The following KMT2C variants were observed in gnomAD, a reference collection of about 807,000 sequenced individuals.
KMT2C encodes lysine methyltransferase 2C.
Under a neutral mutation model 507.9 loss-of-function variants are expected in KMT2C, and 88 were observed. The ratio of observed to expected loss-of-function variants is 0.17; its 90% CI spans 0.15 to 0.21. The LOEUF (loss-of-function observed/expected upper bound fraction) is 0.21, where lower values mean the gene tolerates loss of function less well. Among genes scored for constraint, KMT2C ranks in the 10% least tolerant of loss-of-function variants. The pLI is 1.00. For synonymous variants in KMT2C, 2,049 were observed against 2,080.8 expected (o/e 0.98, Z 0.42); for missense variants, 4,954 against 5,957.8 (o/e 0.83, Z 5.55).
intron 1 of KMT2C, among the ~76,000 whole-genome samples, chr7:152,429,401 T>A (rs1481035692): frequency 1.3e-5 from 2 of 152,176 alleles, no homozygotes; most frequent in Admixed American, 6.5e-5. Flanking sequence ...TTCTAGAATA[T>A]TACAAAGTGC....
chr7:152,216,445 G>C (rs1263235225), intron 23 of KMT2C, among the ~76,000 whole-genome samples: 1 of 152,162 alleles, frequency 6.6e-6, no homozygotes, highest in Non-Finnish European at 1.5e-5. Context: ...CTGTAGATGT[G>C]TGTAATATAA....
rs905095777 is a variant in KMT2C at position 152,435,466 on chromosome 7, G to GCGGGGC, written c.161+154_161+159dup. On this transcript the variant is annotated intron_variant, in intron 1 of 58. Coordinates refer to ENST00000262189, the MANE Select transcript of KMT2C (RefSeq NM_170606.3). ...CGGGCGCGGGCGGCTACCGAGGGGC[G>GCGGGGC]CGGGGCCGGGGCCGGGAGCCGCCAC... Among the ~76,000 whole-genome samples the GCGGGGC allele has an allele frequency of 1.7e-3, 247 of 145,854 alleles. 3 individuals are homozygous for GCGGGGC. In the South Asian group the frequency reaches 0.023, roughly 14 times the overall value.
At chr7:152,361,885 GTC>G (rs2097200616) in intron 1 of KMT2C, among the ~76,000 whole-genome samples, 1 of 152,156 alleles carries the variant, frequency 6.6e-6, no homozygotes, top group African/African-American at 2.4e-5. Flanking sequence ...ACATCCCACT[GTC>G]GGAAACTGAT....
rs369965395 is a variant in KMT2C, at chr7:152,139,793, T to TA, written c.14344-3dup. 5.1e-5 allele frequency: 81 copies of TA among 1,599,052 alleles called. No individual in the cohort carries two copies. Among genetic ancestry groups the TA allele is most frequent in the South Asian group, 6.7e-5 (6 of 89,830 alleles). On this transcript the variant is annotated splice_polypyrimidine_tract_variant and splice_region_variant and intron_variant, in intron 55 of 58. Coordinates refer to ENST00000262189, the MANE Select transcript of KMT2C (RefSeq NM_170606.3). ...TCGAGCAGCATACAGGCCCAGCCCC[T>TA]AAAAAAAAGTGTGTACATACTTCCA...
intron 1 of KMT2C, among the ~76,000 whole-genome samples, chr7:152,414,842 C>T (rs1473219817): frequency 6.6e-6 from 1 of 151,558 alleles, no homozygotes; most frequent in South Asian, 2.1e-4. Context: ...CTTCTCAATA[C>T]TTTCTTTCTT....
chr7:152,251,241 G>A (rs923943408), intron 11 of KMT2C, among the ~76,000 whole-genome samples: 1 of 152,172 alleles, frequency 6.6e-6, no homozygotes, highest in Non-Finnish European at 1.5e-5. Context: ...GAAGCCAGGA[G>A]TTCAAGACCA....
Position 152,270,341 on chromosome 7 carries a change from G to C in KMT2C, c.1012+3364C>G, listed in dbSNP as rs537167971. Among the ~76,000 whole-genome samples, 4 of 152,346 alleles carry C rather than the reference G, an allele frequency of 2.6e-5. No individual in the cohort carries two copies. In the South Asian group the frequency reaches 8.3e-4, roughly 32 times the overall value. ...AAGAGGCTGGAGTTAAAGCTTAAGT[G>C]AAGTAAAAGGAATTAAAGCTAAATG... On this transcript the variant is annotated intron_variant, in intron 7 of 58. Coordinates refer to ENST00000262189, the MANE Select transcript of KMT2C (RefSeq NM_170606.3).
intron 41 of KMT2C, 45 bp from the exon 42 acceptor site, chr7:152,167,423 CCAA>C: frequency 1.5e-6 from 2 of 1,293,006 alleles, no homozygotes. Flanking sequence ...TCTAAAGAGT[CCAA>C]CATTATAAGT....
chr7:152,202,558 T>G (rs765390983), intron 26 of KMT2C, among the ~76,000 whole-genome samples: 1 of 152,210 alleles, frequency 6.6e-6, no homozygotes, highest in Non-Finnish European at 1.5e-5. Flanking sequence ...CTATCTTTAA[T>G]CAATGAATAT....
intron 41 of KMT2C, among the ~76,000 whole-genome samples, chr7:152,168,865 C>G (rs1008731728): frequency 1.1e-4 from 17 of 152,080 alleles, no homozygotes; most frequent in African/African-American, 4.1e-4. Flanking sequence ...GTTCTTAGAG[C>G]AAAACGTGGT....
intron 24 of KMT2C, among the ~76,000 whole-genome samples, chr7:152,206,243 T>C (rs1272005289): frequency 2.0e-5 from 3 of 151,744 alleles, no homozygotes; most frequent in African/African-American, 4.8e-5. Context: ...CGTGACCTAA[T>C]GGGTCCCTCA....
intron 22 of KMT2C, among the ~76,000 whole-genome samples, chr7:152,221,244 G>A (rs1399648878): frequency 1.6e-4 from 24 of 152,156 alleles, no homozygotes; most frequent in African/African-American, 3.6e-4. Context: ...GCGACAGGGC[G>A]AGACTCTGTC....
intron 18 of KMT2C, among the ~76,000 whole-genome samples, chr7:152,227,806 C>A (rs1278062424): frequency 2.2e-4 from 33 of 152,184 alleles, no homozygotes; most frequent in Non-Finnish European, 2.4e-4. Flanking sequence ...GAAAGTACAT[C>A]TACTGGGAAT....
intron 1 of KMT2C, among the ~76,000 whole-genome samples, chr7:152,388,490 C>T (rs2097454711): frequency 6.6e-6 from 1 of 151,870 alleles, no homozygotes; most frequent in South Asian, 2.1e-4. Flanking sequence ...ACCCGGGAGG[C>T]GGAGGTTGCG....
intron 23 of KMT2C, among the ~76,000 whole-genome samples, chr7:152,209,807 T>C (rs1044735703): frequency 6.7e-6 from 1 of 149,044 alleles, no homozygotes; most frequent in South Asian, 2.1e-4. Flanking sequence ...AAATTCTCAG[T>C]TGAGAGCAGA....
intron 6 of KMT2C, among the ~76,000 whole-genome samples, chr7:152,301,228 G>A (rs1033448489): frequency 6.6e-6 from 1 of 151,526 alleles, no homozygotes; most frequent in Admixed American, 6.6e-5. Context: ...AAGTTGGCCG[G>A]GTGTGATGGA....
chr7:152,215,001 G>T (rs2129142584), intron 23 of KMT2C, among the ~76,000 whole-genome samples: 1 of 151,734 alleles, frequency 6.6e-6, no homozygotes, highest in Non-Finnish European at 1.5e-5. Context: ...ACAGACATTT[G>T]TTTGACCATA....
At chr7:152,290,848 A>G (rs1199308463) in intron 6 of KMT2C, among the ~76,000 whole-genome samples, 1 of 152,126 alleles carries the variant, frequency 6.6e-6, no homozygotes, top group Admixed American at 6.5e-5. Context: ...TCAGTGCTGT[A>G]TCTCAAGAAC....
chr7:152,318,532 C>T (rs901088457), intron 3 of KMT2C, among the ~76,000 whole-genome samples: 1 of 133,958 alleles, frequency 7.5e-6, no homozygotes, highest in African/African-American at 2.8e-5. Flanking sequence ...GAGGCTGAGG[C>T]AGGGGAATTG....
Sources: allele counts gnomAD v4.1 joint callset (sites outside exome capture counted in the v4.1 genomes callset), GRCh38; gene constraint gnomAD v4.1.1; transcripts MANE v1.5; gene names NCBI Gene and HGNC (gene_info 2026-07-23, HGNC 2026-07-21).